Variants in ZNF804A observed in about 807,000 individuals in gnomAD.
ZNF804A encodes zinc finger protein 804A.
In ZNF804A, 2 loss-of-function variants were observed where a neutral mutation model predicts 16.5. The observed-to-expected ratio is 0.12, with a 90% CI of 0.05 to 0.38. The LOEUF (loss-of-function observed/expected upper bound fraction) is 0.38. ZNF804A is among the 10% of genes least tolerant of loss of function. The probability of loss-of-function intolerance (pLI) is 0.99; values close to 1 mark genes in which losing one functional copy is unlikely to be tolerated. For missense variants in ZNF804A, 1,473 were observed against 1,390.7 expected (o/e 1.06, Z -0.94); for synonymous variants, 534 against 489.6 (o/e 1.09, Z -1.20).
intron 1 of ZNF804A, among the ~76,000 whole-genome samples, chr2:184,656,689 TAC>T (rs1035358718): frequency 2.0e-5 from 3 of 151,814 alleles, no homozygotes; most frequent in African/African-American, 4.8e-5. Context: ...TATACATATA[TAC>T]ACACACACCC....
At chr2:184,820,228 T>C (rs1277159735) in intron 1 of ZNF804A, among the ~76,000 whole-genome samples, 1 of 152,128 alleles carries the variant, frequency 6.6e-6, no homozygotes, top group Non-Finnish European at 1.5e-5. Context: ...CACGATCAAG[T>C]TGGCTTCATC....
At chr2:184,626,482 A>T (rs1294403980) in intron 1 of ZNF804A, among the ~76,000 whole-genome samples, 6 of 152,110 alleles carry the variant, frequency 3.9e-5, no homozygotes, top group African/African-American at 9.7e-5. Context: ...TTGGAAAAGA[A>T]TTTTTTCTTA....
chr2:184,744,538 G>A (rs1693758637), intron 1 of ZNF804A, among the ~76,000 whole-genome samples: 1 of 151,766 alleles, frequency 6.6e-6, no homozygotes, highest in African/African-American at 2.4e-5. Flanking sequence ...CCAGAAAGCA[G>A]GCCCTCACCA....
At chr2:184,770,057 C>T (rs1395808908) in intron 1 of ZNF804A, among the ~76,000 whole-genome samples, 2 of 151,914 alleles carry the variant, frequency 1.3e-5, no homozygotes, top group African/African-American at 2.4e-5. Context: ...AGTATATATA[C>T]AGTTTATCAT....
rs564404925 is a variant in ZNF804A at position 184,934,687 on chromosome 2, G to A, written c.386+954G>A. On this transcript the variant is annotated intron_variant, in intron 3 of 3. Transcript: ENST00000302277. Reference sequence around the variant, plus strand: ...TATGTAACTTAACGCTCTACAAATAGCATTTGCAAATATAAATTATGATAT... The same window carrying A: ...TATGTAACTTAACGCTCTACAAATAACATTTGCAAATATAAATTATGATAT... Among the ~76,000 whole-genome samples the A allele has an allele frequency of 5.3e-5, 8 of 152,096 alleles. No individual in the cohort carries two copies. In the South Asian group the frequency reaches 1.0e-3, roughly 20 times the overall value.
At chr2:184,688,137 A>G (rs1349876443) in intron 1 of ZNF804A, among the ~76,000 whole-genome samples, 2 of 152,130 alleles carry the variant, frequency 1.3e-5, no homozygotes, top group Non-Finnish European at 2.9e-5. Context: ...AACAAAAACA[A>G]AACAGAACAA....
intron 1 of ZNF804A, among the ~76,000 whole-genome samples, chr2:184,708,284 A>G (rs1375341413): frequency 6.6e-6 from 1 of 152,010 alleles, no homozygotes; most frequent in Non-Finnish European, 1.5e-5. Flanking sequence ...CCGCTTGTCA[A>G]TTTTTGTTTC....
At chr2:184,739,291 T>A (rs1463788960) in intron 1 of ZNF804A, among the ~76,000 whole-genome samples, 1 of 152,230 alleles carries the variant, frequency 6.6e-6, no homozygotes, top group Admixed American at 6.5e-5. Context: ...CTTATTGTAG[T>A]TACATGCTGA....
chr2:184,769,751 G>C (rs1478414179), intron 1 of ZNF804A, among the ~76,000 whole-genome samples: 3 of 151,862 alleles, frequency 2.0e-5, no homozygotes, highest in African/African-American at 7.3e-5. Context: ...GAAATATGAA[G>C]GTAAATAGAA....
chr2:184,752,573 C>G (rs137946197), intron 1 of ZNF804A, among the ~76,000 whole-genome samples: 1 of 151,442 alleles, frequency 6.6e-6, no homozygotes, highest in Admixed American at 6.6e-5. Context: ...CCAATTCCCA[C>G]CAGTACACAA....
intron 2 of ZNF804A, among the ~76,000 whole-genome samples, chr2:184,887,204 G>C (rs1453322922): frequency 6.6e-6 from 1 of 152,212 alleles, no homozygotes; most frequent in East Asian, 1.9e-4. Flanking sequence ...AATGCCACCA[G>C]TCTGTTTGCT....
At chr2:184,608,710 T>C (rs1241884986) in intron 1 of ZNF804A, among the ~76,000 whole-genome samples, 2 of 152,158 alleles carry the variant, frequency 1.3e-5, no homozygotes, top group African/African-American at 2.4e-5. Context: ...TTCTCAGATA[T>C]GACCATGAGA....
At chr2:184,604,397 TCTC>T (rs1194068866) in intron 1 of ZNF804A, among the ~76,000 whole-genome samples, 1 of 151,742 alleles carries the variant, frequency 6.6e-6, no homozygotes, top group Non-Finnish European at 1.5e-5. Context: ...ATGGTCTCGA[TCTC>T]CTGACCTCAT....
intron 1 of ZNF804A, among the ~76,000 whole-genome samples, chr2:184,630,963 A>G (rs1280179621): frequency 2.0e-5 from 3 of 152,196 alleles, no homozygotes; most frequent in Non-Finnish European, 4.4e-5. Flanking sequence ...TTTAATAAAT[A>G]TGTAGCACAA....
At chr2:184,885,948 C>T (rs565825005) in intron 2 of ZNF804A, among the ~76,000 whole-genome samples, 13 of 152,142 alleles carry the variant, frequency 8.5e-5, no homozygotes, top group Admixed American at 3.9e-4. Flanking sequence ...CTCATGTCCT[C>T]ACATTTAAAA....
intron 1 of ZNF804A, among the ~76,000 whole-genome samples, chr2:184,724,846 T>C (rs1693380602): frequency 6.6e-6 from 1 of 151,736 alleles, no homozygotes. Flanking sequence ...AAAGTAGTTT[T>C]ATAAGCAGCA....
intron 1 of ZNF804A, among the ~76,000 whole-genome samples, chr2:184,611,049 A>T (rs1691229027): frequency 6.6e-6 from 1 of 152,166 alleles, no homozygotes; most frequent in Admixed American, 6.5e-5. Context: ...TCACAGTTCT[A>T]GAGGCTGGGA....
intron 3 of ZNF804A, 59 bp downstream of exon 3, chr2:184,933,792 G>C: frequency 6.5e-7 from 1 of 1,533,046 alleles, no homozygotes; most frequent in Non-Finnish European, 8.8e-7. Flanking sequence ...GGGGTATAGG[G>C]GGAGTCAGAA....
In ZNF804A at chr2:184,881,628, A is replaced by G. The variant is rs1684811455; in HGVS notation, c.255+15116A>G. On this transcript the variant is annotated intron_variant, in intron 2 of 3. Transcript: ENST00000302277. ...TTAGGGGTCTATATTCAGCATTCTTAAAGAAAAGAATTACTAAGAGTTTTT... is the reference window on the plus strand; with the variant it reads ...TTAGGGGTCTATATTCAGCATTCTTGAAGAAAAGAATTACTAAGAGTTTTT... Among the ~76,000 whole-genome samples, 3 of 152,110 alleles carry G rather than the reference A, an allele frequency of 2.0e-5. No individual in the cohort carries two copies. In the South Asian group the frequency reaches 6.2e-4, roughly 32 times the overall value.
Sources: allele counts gnomAD v4.1 joint callset (sites outside exome capture counted in the v4.1 genomes callset), GRCh38; gene constraint gnomAD v4.1.1; transcripts MANE v1.5; gene names NCBI Gene and HGNC (gene_info 2026-07-23, HGNC 2026-07-21).